The following KCNQ5 variants were observed in gnomAD, a reference collection of about 807,000 sequenced individuals.
The protein encoded by KCNQ5 is potassium voltage-gated channel subfamily KQT member 5.
In KCNQ5, 30 loss-of-function variants were observed where a neutral mutation model predicts 98.2. That is an observed-to-expected ratio of 0.31 (90% CI 0.23 to 0.41). KCNQ5 has a LOEUF of 0.41. Ranked by LOEUF, KCNQ5 falls within the 10% of genes least tolerant of loss-of-function variation. The pLI, the probability that KCNQ5 is intolerant of heterozygous loss-of-function variation, is 1.00. For missense variants in KCNQ5, 835 were observed against 1,182.5 expected (o/e 0.71, Z 4.31); for synonymous variants, 458 against 449.4 (o/e 1.02, Z -0.24).
At chr6:72,994,309 G>A (rs9446809) in intron 1 of KCNQ5, among the ~76,000 whole-genome samples, 4,176 of 39,260 alleles carry the variant, frequency 0.11, 357 homozygotes, top group East Asian at 0.23. Context: ...AGCAATCAGC[G>A]AGATTCCGTG....
intron 1 of KCNQ5, among the ~76,000 whole-genome samples, chr6:72,667,661 A>G (rs972091922): frequency 3.3e-5 from 5 of 152,228 alleles, no homozygotes; most frequent in Admixed American, 6.5e-5. Context: ...GTTAATGTCA[A>G]CAGTAACAGG....
At chr6:73,048,861 T>G (rs536368871) in intron 3 of KCNQ5, among the ~76,000 whole-genome samples, 28 of 152,328 alleles carry the variant, frequency 1.8e-4, no homozygotes, top group African/African-American at 6.3e-4. Context: ...CAGTAAGCAG[T>G]TCCTAAGATC....
chr6:72,873,143 T>C (rs1289701556), intron 1 of KCNQ5, among the ~76,000 whole-genome samples: 1 of 152,158 alleles, frequency 6.6e-6, no homozygotes, highest in Non-Finnish European at 1.5e-5. Flanking sequence ...TTTGTTTTCA[T>C]TCTCTATAAA....
chr6:73,166,749 C>G (rs1460301293), intron 10 of KCNQ5, among the ~76,000 whole-genome samples: 1 of 152,102 alleles, frequency 6.6e-6, no homozygotes, highest in African/African-American at 2.4e-5. Flanking sequence ...GTGGGAGAAA[C>G]CATCCCCTGC....
At chr6:72,744,917 A>G (rs531647704) in intron 1 of KCNQ5, among the ~76,000 whole-genome samples, 1 of 152,302 alleles carries the variant, frequency 6.6e-6, no homozygotes, top group Admixed American at 6.5e-5. Context: ...TTTGGGAAAC[A>G]TGAGTTAAGG....
chr6:73,194,867 C>T lies in KCNQ5; in HGVS notation c.2252C>T (p.Pro751Leu). Residue 751 changes from proline (P) to leucine (L), a missense_variant, in exon 14 of 14, where the codon CCA (proline) becomes CTA (leucine). Physicochemically the swap from Pro to Leu is moderately conservative, Grantham distance 98. This residue lies in a region of KCNQ5 where 416 missense variants were observed against 446.9 expected (regional missense o/e 0.93). Transcript: ENST00000370398. Reference protein sequence around the residue: ...KPAAPTTLQIPPPLPAIKHLP... With the variant: ...KPAAPTTLQILPPLPAIKHLP... ...GCAGCCCCAACAACTTTACAGATCC[C>T]ACCTCCTCTCCCAGCCATCAAGCAT... The T allele has an allele frequency of 6.2e-7, 1 of 1,614,184 alleles. No homozygotes were observed.
intron 1 of KCNQ5, among the ~76,000 whole-genome samples, chr6:72,725,303 G>T (rs1039655286): frequency 1.1e-4 from 17 of 152,130 alleles, no homozygotes; most frequent in Non-Finnish European, 1.6e-4. Context: ...AGATCAAGTA[G>T]TCATCATTTT....
At chr6:72,905,405 G>A (rs9446786) in intron 1 of KCNQ5, among the ~76,000 whole-genome samples, 2,874 of 152,154 alleles carry the variant, frequency 0.019, 67 homozygotes, top group African/African-American at 0.049. Context: ...GTTCGGGTCC[G>A]TTGCTGGTGA....
intron 3 of KCNQ5, chr6:73,055,711 G>C: frequency 1.8e-6 from 2 of 1,120,002 alleles, no homozygotes; most frequent in Non-Finnish European, 2.7e-6. Context: ...TCATGGAGCT[G>C]AACCTGCCAA....
intron 1 of KCNQ5, among the ~76,000 whole-genome samples, chr6:72,961,686 C>T (rs547876357): frequency 6.8e-6 from 1 of 147,526 alleles, no homozygotes; most frequent in African/African-American, 2.5e-5. Context: ...GGGATTTGGA[C>T]GGGCTGAGAC....
At chr6:72,757,805 G>C (rs1772046773) in intron 1 of KCNQ5, among the ~76,000 whole-genome samples, 1 of 152,076 alleles carries the variant, frequency 6.6e-6, no homozygotes, top group Non-Finnish European at 1.5e-5. Flanking sequence ...TGGGAAAATA[G>C]TACTGGATTT....
chr6:73,107,593 G>C (rs994765770), intron 6 of KCNQ5, among the ~76,000 whole-genome samples: 1 of 152,136 alleles, frequency 6.6e-6, no homozygotes, highest in Non-Finnish European at 1.5e-5. Context: ...CTGGAAGTTG[G>C]CTGCACCCAG....
intron 5 of KCNQ5, among the ~76,000 whole-genome samples, chr6:73,092,663 G>A (rs1774302856): frequency 6.6e-6 from 1 of 152,150 alleles, no homozygotes; most frequent in African/African-American, 2.4e-5. Flanking sequence ...CGTCTATTGA[G>A]ATGATCATGT....
chr6:73,158,491 T>C (rs1429897261), intron 10 of KCNQ5, among the ~76,000 whole-genome samples: 5 of 152,120 alleles, frequency 3.3e-5, no homozygotes, highest in Non-Finnish European at 7.4e-5. Flanking sequence ...GGTCTCGAAC[T>C]CCTGACCTCA....
rs551576446 is a variant in KCNQ5 at position 72,876,088 on chromosome 6, A to G, written c.399-127820A>G. Among the ~76,000 whole-genome samples, 15 of 152,208 alleles carry G rather than the reference A, an allele frequency of 9.9e-5. No individual in the cohort carries two copies. The East Asian group carries it at 2.9e-3, about 29-fold the overall frequency. On this transcript the variant is annotated intron_variant, in intron 1 of 13. Coordinates refer to ENST00000370398, the MANE Select transcript of KCNQ5 (RefSeq NM_019842.4). ...ATCTTAGGGGAGATGTCTTTTTAAT[A>G]CAGAAAACAACATTTATAGTTAGTT... is the stretch of plus-strand genomic sequence containing the variant.
intron 1 of KCNQ5, among the ~76,000 whole-genome samples, chr6:72,645,828 A>G (rs1314467067): frequency 2.0e-5 from 3 of 152,062 alleles, no homozygotes; most frequent in Non-Finnish European, 4.4e-5. Flanking sequence ...AAAGGTTTTA[A>G]TTTTTGTTTG....
chr6:72,867,979 A>C (rs1581927633), intron 1 of KCNQ5, among the ~76,000 whole-genome samples: 1 of 151,826 alleles, frequency 6.6e-6, no homozygotes, highest in Admixed American at 6.6e-5. Context: ...ACTAATAATA[A>C]TAATAATAAT....
At chr6:72,703,161 GTTAT>G (rs1414452779) in intron 1 of KCNQ5, among the ~76,000 whole-genome samples, 2 of 152,206 alleles carry the variant, frequency 1.3e-5, no homozygotes, top group African/African-American at 4.8e-5. Context: ...AGAAGTGGTG[GTTAT>G]TTGTCATCTA....
chr6:73,191,538 T>C (rs1289967437), intron 12 of KCNQ5, among the ~76,000 whole-genome samples: 1 of 152,212 alleles, frequency 6.6e-6, no homozygotes, highest in Non-Finnish European at 1.5e-5. Context: ...TTTGTGATTG[T>C]ATAGTGCCCA....
Sources: gnomAD v4.1 joint callset for allele counts (sites outside exome capture counted in the v4.1 genomes callset) on GRCh38, gnomAD v4.1.1 for gene constraint, gnomAD v4.1.1 regional missense constraint, MANE v1.5 for transcripts, NCBI Gene and HGNC (gene_info 2026-07-23, HGNC 2026-07-21) for gene names.